Variants in CFTR observed in about 807,000 individuals in gnomAD.
The protein encoded by CFTR is cystic fibrosis transmembrane conductance regulator.
Under a neutral mutation model 171.6 loss-of-function variants are expected in CFTR, and 181 were observed. The ratio of observed to expected loss-of-function variants is 1.05; its 90% CI spans 0.93 to 1.19. The LOEUF (loss-of-function observed/expected upper bound fraction) is 1.19, where lower values mean the gene tolerates loss of function less well. CFTR is among the 50% of genes most tolerant of loss of function. The pLI is 0.00. For synonymous variants in CFTR, 583 were observed against 608.0 expected (o/e 0.96, Z 0.60); for missense variants, 1,968 against 1,734.7 (o/e 1.13, Z -2.39).
intron 11 of CFTR, among the ~76,000 whole-genome samples, chr7:117,579,718 T>C (rs1294258422): frequency 7.2e-6 from 1 of 138,082 alleles, no homozygotes; most frequent in Non-Finnish European, 1.6e-5. Flanking sequence ...ACAGTGTTAA[T>C]ACAGGAATAA....
At chr7:117,497,842 A>G (rs1798263094) in intron 1 of CFTR, among the ~76,000 whole-genome samples, 1 of 152,260 alleles carries the variant, frequency 6.6e-6, no homozygotes, top group South Asian at 2.1e-4. Context: ...CAATTAATGC[A>G]TTATAATTAC....
chr7:117,611,441 C>A, intron 19 of CFTR, 140 bp from the exon 20 acceptor site: 2 of 662,338 alleles, frequency 3.0e-6, no homozygotes, highest in Non-Finnish European at 2.7e-6. Flanking sequence ...AAGAATGGCA[C>A]CAGTGTGAAA....
rs397508775 is a variant in CFTR, at chr7:117,535,315, G to A, written c.647G>A (p.Trp216Ter). 6.2e-7 allele frequency: 1 copy of A among 1,614,062 alleles called. No individual in the cohort carries two copies. Among genetic ancestry groups the A allele is most frequent in the Admixed American group, 1.7e-5 (1 of 60,002 alleles). Residue 216 changes from tryptophan (W) to a stop codon, truncating the protein, a stop_gained, in exon 6 of 27, where the codon TGG becomes TAG. Transcript: ENST00000003084. LOFTEE classifies it high-confidence loss of function. ...GTGGCACTCCTCATGGGGCTAATCT[G>A]GGAGTTGTTACAGGCGTCTGCCTTC... ...LQVALLMGLI[W>*]ELLQASAFCG...
chr7:117,511,226 A>G (rs1707938390), intron 3 of CFTR, among the ~76,000 whole-genome samples: 1 of 152,138 alleles, frequency 6.6e-6, no homozygotes, highest in South Asian at 2.1e-4. Flanking sequence ...TCTTCAGGAC[A>G]GGAATCAACG....
At chr7:117,595,229 CAT>C (rs1396667164) in intron 15 of CFTR, among the ~76,000 whole-genome samples, 171 bp downstream of exon 15, 2 of 151,002 alleles carry the variant, frequency 1.3e-5, no homozygotes, top group African/African-American at 4.9e-5. Context: ...GTATATATTA[CAT>C]ATATTTGTGA....
At position 117,667,241 on chromosome 7, in the gene CFTR, T is replaced by TA. The variant is rs902627601; in HGVS notation, c.*139dup. The TA allele has an allele frequency of 5.4e-6, 4 of 739,510 alleles. No individual in the cohort carries two copies. Among genetic ancestry groups the TA allele is most frequent in the Non-Finnish European group, 8.9e-6 (4 of 447,052 alleles). 45.8% of individuals were successfully genotyped at this position (739,510 alleles called of 1,614,324 possible). ...AACAAGGATGAATTAAGTTTTTTTT[T>TA]AAAAAAGAAACATTTGGTAAGGGGA... On this transcript the variant is annotated 3_prime_UTR_variant, in exon 27 of 27. Transcript: ENST00000003084.
chr7:117,575,200 T>C (rs1281413838), intron 11 of CFTR, among the ~76,000 whole-genome samples: 1 of 152,140 alleles, frequency 6.6e-6, no homozygotes, highest in Non-Finnish European at 1.5e-5. Flanking sequence ...ATACAATTTA[T>C]AGTACCACCA....
At chr7:117,638,693 G>T (rs555104863) in intron 22 of CFTR, among the ~76,000 whole-genome samples, 1 of 151,270 alleles carries the variant, frequency 6.6e-6, no homozygotes, top group African/African-American at 2.4e-5. Flanking sequence ...CTGAGATCGC[G>T]CCACTGCACT....
At chr7:117,614,583 G>A in intron 20 of CFTR, 30 bp from the exon 21 acceptor site, 1 of 1,374,504 alleles carries the variant, frequency 7.3e-7, no homozygotes, top group Non-Finnish European at 1.0e-6. Context: ...AATAACATGA[G>A]GTTCATTTAC....
chr7:117,521,604 C>A (rs1445679063), intron 3 of CFTR, among the ~76,000 whole-genome samples: 1 of 151,878 alleles, frequency 6.6e-6, no homozygotes, highest in Non-Finnish European at 1.5e-5. Flanking sequence ...TCCTATTATT[C>A]TTGGAATAAC....
chr7:117,589,902 C>T (rs921655894), intron 12 of CFTR, among the ~76,000 whole-genome samples: 8 of 151,934 alleles, frequency 5.3e-5, no homozygotes, highest in Non-Finnish European at 8.8e-5. Flanking sequence ...TCACCAAAAC[C>T]CAACATCTTC....
intron 1 of CFTR, among the ~76,000 whole-genome samples, chr7:117,491,392 G>A (rs939995911): frequency 1.3e-5 from 2 of 151,998 alleles, no homozygotes; most frequent in East Asian, 3.9e-4. Flanking sequence ...TAGGGCCAGC[G>A]TATTAGTTTG....
chr7:117,584,320 C>A (rs1480644682), intron 11 of CFTR, among the ~76,000 whole-genome samples: 1 of 151,994 alleles, frequency 6.6e-6, no homozygotes, highest in East Asian at 1.9e-4. Context: ...AGATTTAAGT[C>A]TTTGATTCAT....
At chr7:117,593,876 G>A (rs535302170) in intron 14 of CFTR, among the ~76,000 whole-genome samples, 60 of 152,180 alleles carry the variant, frequency 3.9e-4, no homozygotes, top group Non-Finnish European at 8.1e-4. Flanking sequence ...TTACAGGCGT[G>A]TGCCACCACG....
At chr7:117,650,409 A>G (rs904772408) in intron 23 of CFTR, among the ~76,000 whole-genome samples, 3 of 152,138 alleles carry the variant, frequency 2.0e-5, no homozygotes, top group Non-Finnish European at 2.9e-5. Flanking sequence ...TAGCTTTGAG[A>G]AGAAAGGTAG....
intron 1 of CFTR, among the ~76,000 whole-genome samples, chr7:117,501,398 T>A (rs1290248119): frequency 1.3e-5 from 2 of 151,914 alleles, no homozygotes. Context: ...TTATTAAAAA[T>A]TAAATTATTT....
chr7:117,485,576 G>A (rs1181266203), intron 1 of CFTR, among the ~76,000 whole-genome samples: 2 of 152,178 alleles, frequency 1.3e-5, no homozygotes, highest in African/African-American at 4.8e-5. Flanking sequence ...CGGCTTTACT[G>A]TAGGGCATTG....
intron 11 of CFTR, among the ~76,000 whole-genome samples, chr7:117,568,244 G>A (rs917225542): frequency 6.6e-6 from 1 of 152,134 alleles, no homozygotes; most frequent in Non-Finnish European, 1.5e-5. Context: ...ACCTTTATAT[G>A]CTCCAGTAAG....
chr7:117,618,478 TCACACACACACACA>T (rs34610095), intron 21 of CFTR, among the ~76,000 whole-genome samples: 13 of 148,206 alleles, frequency 8.8e-5, no homozygotes, highest in Non-Finnish European at 1.8e-4. Context: ...AGACTCCGTC[TCACACACACACACA>T]CACACACACA....
Sources: gnomAD v4.1 joint callset for allele counts (sites outside exome capture counted in the v4.1 genomes callset) on GRCh38, gnomAD v4.1.1 for gene constraint, MANE v1.5 for transcripts, NCBI Gene and HGNC (gene_info 2026-07-23, HGNC 2026-07-21) for gene names.